LIPC: variants seen among roughly 807,000 people sequenced by gnomAD.
LIPC encodes the protein hepatic triacylglycerol lipase.
In LIPC, 44 loss-of-function variants were observed where a neutral mutation model predicts 50.7. The ratio of observed to expected loss-of-function variants is 0.87; its 90% CI spans 0.68 to 1.11. The LOEUF (loss-of-function observed/expected upper bound fraction) is 1.11. Among genes scored for constraint, LIPC ranks in the 50% most tolerant of loss-of-function variants. The pLI, the probability that LIPC is intolerant of heterozygous loss-of-function variation, is 0.00. For missense variants in LIPC, 697 were observed against 648.2 expected, an observed-to-expected ratio of 1.08 and a Z score of -0.82; for synonymous variants, 271 against 256.4, an observed-to-expected ratio of 1.06 and a Z score of -0.54.
chr15:58,525,657 G>T (rs922724265), intron 1 of LIPC, among the ~76,000 whole-genome samples: 3 of 152,132 alleles, frequency 2.0e-5, no homozygotes, highest in African/African-American at 7.2e-5. Context: ...GGCCAAATAG[G>T]AGACCTATGT....
At chr15:58,435,989 C>T (rs1324850387) in intron 1 of LIPC, 3 of 152,218 alleles carry the variant, frequency 2.0e-5, no homozygotes, top group African/African-American at 7.2e-5. Flanking sequence ...TAAACAATCT[C>T]CGTGGTTACT....
At chr15:58,527,159 A>T (rs778510668) in intron 1 of LIPC, among the ~76,000 whole-genome samples, 1 of 152,250 alleles carries the variant, frequency 6.6e-6, no homozygotes, top group East Asian at 1.9e-4. Context: ...GAAAACTTTT[A>T]TAGTCTCAGA....
At chr15:58,483,415 C>G (rs1351761012) in intron 1 of LIPC, among the ~76,000 whole-genome samples, 1 of 152,186 alleles carries the variant, frequency 6.6e-6, no homozygotes, top group African/African-American at 2.4e-5. Flanking sequence ...CACACTGACC[C>G]TGCAGTTTAC....
intron 1 of LIPC, among the ~76,000 whole-genome samples, chr15:58,511,541 A>G (rs1174307335): frequency 6.6e-6 from 1 of 152,242 alleles, no homozygotes; most frequent in Non-Finnish European, 1.5e-5. Context: ...GGGGAGAGCT[A>G]TACATATGAC....
chr15:58,433,814 A>G (rs1171886504), intron 1 of LIPC, among the ~76,000 whole-genome samples: 3 of 152,192 alleles, frequency 2.0e-5, no homozygotes, highest in Non-Finnish European at 2.9e-5. Context: ...ACTATTAGCA[A>G]GAGGGTTCCT....
At chr15:58,543,723 G>C (rs1358606980) in intron 4 of LIPC, among the ~76,000 whole-genome samples, 1 of 152,010 alleles carries the variant, frequency 6.6e-6, no homozygotes, top group Non-Finnish European at 1.5e-5. Flanking sequence ...CGCAACCTCT[G>C]CCTCCCGGGT....
intron 8 of LIPC, chr15:58,565,711 G>C (rs769417371): frequency 9.0e-6 from 9 of 996,024 alleles, no homozygotes; most frequent in Non-Finnish European, 1.1e-5. Context: ...TCTTCCATTA[G>C]TTTTGGTTCC....
At chr15:58,444,840 C>T (rs540964969) in intron 1 of LIPC, among the ~76,000 whole-genome samples, 2 of 152,350 alleles carry the variant, frequency 1.3e-5, no homozygotes, top group Admixed American at 1.3e-4. Flanking sequence ...TTTGCTAGGC[C>T]CTGCTGTGAC....
intron 6 of LIPC, among the ~76,000 whole-genome samples, chr15:58,558,631 A>ACATGCTAGAGACCTAGGTTGCATGCTCC (rs562955063): frequency 6.6e-6 from 1 of 151,686 alleles, no homozygotes; most frequent in Non-Finnish European, 1.5e-5. Flanking sequence ...ATTGTGAACT[A>ACATGCTAGAGACCTAGGTTGCATGCTCC]TTATGAGAAT....
Position 58,477,530 on chromosome 15 carries a change from G to A in LIPC, c.88+45410G>A, listed in dbSNP as rs554511914. Among the ~76,000 whole-genome samples the A allele has an allele frequency of 2.8e-4, 42 of 152,278 alleles. 2 individuals are homozygous for A. The South Asian group carries it at 7.0e-3, about 26-fold the overall frequency. On this transcript the variant is annotated intron_variant, in intron 1 of 8. Transcript: ENST00000299022. ...CATTTGGAGGGAAAATATTTGTCAT[G>A]TCATTTTAAAGGGTACAAAACAACA... is the stretch of plus-strand genomic sequence containing the variant.
chr15:58,468,712 C>T lies in LIPC; in HGVS notation c.88+36592C>T, dbSNP rs543546811. On this transcript the variant is annotated intron_variant, in intron 1 of 8. Transcript: ENST00000299022. ...ATCTAGGGAACTTATAACAGAAAGGCCCACCCCAGACCAGTTCAGATCTAA... is the reference window on the plus strand; with the variant it reads ...ATCTAGGGAACTTATAACAGAAAGGTCCACCCCAGACCAGTTCAGATCTAA... Among the ~76,000 whole-genome samples, 41 of 152,282 alleles carry T rather than the reference C, an allele frequency of 2.7e-4. No individual in the cohort carries two copies. The South Asian group carries it at 7.5e-3, about 28-fold the overall frequency.
intron 1 of LIPC, among the ~76,000 whole-genome samples, chr15:58,434,182 C>A (rs1217203897): frequency 2.0e-5 from 3 of 151,970 alleles, no homozygotes; most frequent in African/African-American, 7.2e-5. Flanking sequence ...GCCCTCACAA[C>A]AATGAATTGT....
chr15:58,474,732 C>G (rs1366461369), intron 1 of LIPC, among the ~76,000 whole-genome samples: 1 of 152,174 alleles, frequency 6.6e-6, no homozygotes, highest in Non-Finnish European at 1.5e-5. Flanking sequence ...TCCCTGGCCT[C>G]TCTGCCCAGG....
intron 6 of LIPC, among the ~76,000 whole-genome samples, chr15:58,555,097 A>T (rs1265365310): frequency 6.6e-6 from 1 of 152,224 alleles, no homozygotes; most frequent in Non-Finnish European, 1.5e-5. Flanking sequence ...TAGGATGTGC[A>T]AGCTAAAGGG....
intron 1 of LIPC, among the ~76,000 whole-genome samples, chr15:58,519,410 CAA>C (rs11432168): frequency 3.0e-5 from 4 of 131,862 alleles, no homozygotes; most frequent in Non-Finnish European, 1.6e-5. Flanking sequence ...GACTCTGTCT[CAA>C]AAAAAAAAAA....
intron 1 of LIPC, among the ~76,000 whole-genome samples, chr15:58,503,264 G>T (rs191628133): frequency 6.6e-6 from 1 of 152,306 alleles, no homozygotes; most frequent in East Asian, 1.9e-4. Context: ...TCTTCCTGGT[G>T]TAAGAGAACT....
chr15:58,538,938 T>C (rs1893234470), intron 2 of LIPC, among the ~76,000 whole-genome samples: 1 of 152,168 alleles, frequency 6.6e-6, no homozygotes, highest in Non-Finnish European at 1.5e-5. Context: ...AGACTCAAAT[T>C]AGCAGTGGTT....
At chr15:58,497,196 C>T (rs893100883) in intron 1 of LIPC, among the ~76,000 whole-genome samples, 10 of 152,228 alleles carry the variant, frequency 6.6e-5, no homozygotes, top group Middle Eastern at 3.4e-3. Flanking sequence ...TGCAGTAAAT[C>T]CAAATCTTTA....
In LIPC at chr15:58,563,648, C is replaced by A; in HGVS notation, c.1313C>A (p.Pro438Gln). ...TGGGACACGGTCCAGACCATCATCC[C>A]ATGGAGCACAGGGCCGCGCCACTCA... ...NVWDTVQTIIPWSTGPRHSGL... is the reference protein window; with the variant it reads ...NVWDTVQTIIQWSTGPRHSGL... The change falls in exon 8 of 9, where the codon CCA becomes CAA. Residue 438 changes from proline to glutamine, a missense_variant. By Grantham distance (76) the Pro-to-Gln change is moderately conservative. Coordinates refer to ENST00000299022, the MANE Select transcript of LIPC (RefSeq NM_000236.3). 6.2e-7 allele frequency: 1 copy of A among 1,614,176 alleles called. No individual in the cohort carries two copies. The highest frequency in any genetic ancestry group is 8.5e-7 in the Non-Finnish European group (1 of 1,180,040).
Sources: gnomAD v4.1 joint callset for allele counts (sites outside exome capture counted in the v4.1 genomes callset) on GRCh38, gnomAD v4.1.1 for gene constraint, MANE v1.5 for transcripts, NCBI Gene and HGNC (gene_info 2026-07-23, HGNC 2026-07-21) for gene names.